Variants in OSCP1 observed in about 807,000 individuals in gnomAD.
OSCP1 encodes organic solute carrier partner 1.
OSCP1 carries 35 observed loss-of-function variants against 45.1 expected under a neutral mutation model. The ratio of observed to expected loss-of-function variants is 0.78; its 90% CI spans 0.59 to 1.03. The LOEUF (loss-of-function observed/expected upper bound fraction) is 1.03, where lower values mean the gene tolerates loss of function less well. Ranked by LOEUF, OSCP1 falls within the 50% of genes least tolerant of loss-of-function variation. The pLI, the probability that OSCP1 is intolerant of heterozygous loss-of-function variation, is 0.00. For missense variants in OSCP1, 400 were observed against 470.7 expected (o/e 0.85, Z 1.39); for synonymous variants, 179 against 180.1 (o/e 0.99, Z 0.05).
chr1:36,434,399 C>A (rs968473194), intron 2 of OSCP1, among the ~76,000 whole-genome samples: 2 of 152,174 alleles, frequency 1.3e-5, no homozygotes, highest in Non-Finnish European at 2.9e-5. Context: ...GACCCTGCTA[C>A]ACAATCCCAT....
chr1:36,427,089 T>C (rs78848901), intron 4 of OSCP1, among the ~76,000 whole-genome samples: 2 of 150,720 alleles, frequency 1.3e-5, no homozygotes, highest in African/African-American at 4.9e-5. Flanking sequence ...CAACCTCTGC[T>C]TCCTGGGTTC....
chr1:36,445,221 A>G (rs530237378), intron 1 of OSCP1, among the ~76,000 whole-genome samples: 1 of 152,294 alleles, frequency 6.6e-6, no homozygotes, highest in East Asian at 1.9e-4. Context: ...GTGGTGGTGC[A>G]CACCTATAGT....
At chr1:36,437,480 A>C (rs1179306347) in intron 2 of OSCP1, among the ~76,000 whole-genome samples, 1 of 152,130 alleles carries the variant, frequency 6.6e-6, no homozygotes, top group African/African-American at 2.4e-5. Flanking sequence ...GCAGAATTAA[A>C]GTTTTGGGGT....
chr1:36,425,187 AAAT>A (rs1339170050), intron 4 of OSCP1, among the ~76,000 whole-genome samples: 3 of 148,584 alleles, frequency 2.0e-5, no homozygotes, highest in Admixed American at 6.8e-5. Context: ...AAAAAAAAAA[AAAT>A]GGAAAGAATA....
At chr1:36,431,213 A>G (rs568023834) in intron 4 of OSCP1, among the ~76,000 whole-genome samples, 1 of 152,244 alleles carries the variant, frequency 6.6e-6, no homozygotes, top group South Asian at 2.1e-4. Flanking sequence ...GCCAGGGTAG[A>G]GTAGAGGTTA....
chr1:36,422,265 C>T (rs763227083), intron 6 of OSCP1, 46 bp from the exon 7 acceptor site: 23 of 1,536,500 alleles, frequency 1.5e-5, no homozygotes, highest in South Asian at 8.9e-5. Flanking sequence ...CCCCTTTCCA[C>T]GGACTTCTCT....
chr1:36,425,330 T>C (rs1276111152), intron 4 of OSCP1, among the ~76,000 whole-genome samples: 1 of 152,196 alleles, frequency 6.6e-6, no homozygotes. Context: ...TTTGGGAAAT[T>C]ACACAACCTT....
At chr1:36,418,960 G>T in intron 9 of OSCP1, 31 bp downstream of exon 9, 3 of 1,510,156 alleles carry the variant, frequency 2.0e-6, no homozygotes, top group Non-Finnish European at 2.7e-6. Flanking sequence ...AAGCGAATAC[G>T]ATTGGACCCT....
At chr1:36,427,599 G>A (rs1369838780) in intron 4 of OSCP1, among the ~76,000 whole-genome samples, 1 of 152,138 alleles carries the variant, frequency 6.6e-6, no homozygotes, top group Non-Finnish European at 1.5e-5. Context: ...TTACAGGCGT[G>A]AGCCACTGCA....
Position 36,436,916 on chromosome 1 carries a change from C to G in OSCP1, c.267+1840G>C, listed in dbSNP as rs1648784858. Among the ~76,000 whole-genome samples the G allele has an allele frequency of 2.0e-5, 3 of 152,216 alleles. No homozygotes were observed. The South Asian group carries it at 6.2e-4, about 32-fold the overall frequency. On this transcript the variant is annotated intron_variant, in intron 2 of 9. Transcript: ENST00000235532. ...CAGGTATTTTGTAAGCATGACCAAC[C>G]AACAGTATTTGTGTGATGTTTTTCT...
chr1:36,433,881 A>T (rs1297848910), intron 2 of OSCP1, among the ~76,000 whole-genome samples: 1 of 152,218 alleles, frequency 6.6e-6, no homozygotes, highest in Non-Finnish European at 1.5e-5. Context: ...GATTGCATGA[A>T]TGAAAGAAAT....
At chr1:36,425,172 C>CA (rs60875318) in intron 4 of OSCP1, among the ~76,000 whole-genome samples, 2,944 of 118,370 alleles carry the variant, frequency 0.025, 58 homozygotes, top group African/African-American at 0.047. Context: ...GACTCTGTCT[C>CA]AAAAAAAAAA....
At chr1:36,418,327 A>C in intron 9 of OSCP1, 72 bp from the exon 10 acceptor site, 1 of 1,407,646 alleles carries the variant, frequency 7.1e-7, no homozygotes, top group Middle Eastern at 1.8e-4. Context: ...TGCACTAGGC[A>C]CTTAGTTTTT....
chr1:36,418,798 G>A (rs1490380667), intron 9 of OSCP1, among the ~76,000 whole-genome samples, 193 bp downstream of exon 9: 1 of 151,932 alleles, frequency 6.6e-6, no homozygotes, highest in Non-Finnish European at 1.5e-5. Context: ...CATATTGGCG[G>A]GCACCTGTAA....
At position 36,420,586 on chromosome 1, in the gene OSCP1, T is replaced by C. The variant is rs1370088552; in HGVS notation, c.849A>G (p.Lys283=). The change falls in exon 8 of 10, where the codon AAA becomes AAG. Residue 283 remains lysine, a synonymous_variant. Transcript: ENST00000235532. ...QESIAPNPLA[K]EELNFLARLM... is the part of the protein sequence containing the mutation. ...GCCTGGCCAAGAAATTCAGCTCTTC[T>C]TTAGCAAGAGGGTTTGGAGCAATGC... 6.2e-7 allele frequency: 1 copy of C among 1,614,190 alleles called. No homozygotes were observed. The highest frequency in any genetic ancestry group is 8.5e-7 in the Non-Finnish European group (1 of 1,180,034).
rs72150069 is a variant in OSCP1 at position 36,442,226 on chromosome 1, C to CAAAAAAAAAAA, written c.113-3327_113-3317dup. 1.3e-4 allele frequency among the ~76,000 whole-genome samples: 15 copies of CAAAAAAAAAAA among 113,878 alleles called. 1 individual carries two copies. The highest frequency in any genetic ancestry group is 1.9e-4 in the Admixed American group (2 of 10,530). 74.7% of individuals were successfully genotyped at this position (113,878 alleles called of 152,430 possible). The stretch of plus-strand genomic sequence containing the variant: ...GGGCAACAAGAGCGAAACTCCGTCT[C>CAAAAAAAAAAA]AAAAAAAAAAAAAAGGAGGCTAAGG... On this transcript the variant is annotated intron_variant, in intron 1 of 9. Coordinates refer to ENST00000235532, the MANE Select transcript of OSCP1 (RefSeq NM_145047.5).
chr1:36,432,359 T>C, intron 3 of OSCP1, 63 bp downstream of exon 3: 1 of 1,560,872 alleles, frequency 6.4e-7, no homozygotes, highest in Non-Finnish European at 8.8e-7. Context: ...ATCTACCTGT[T>C]CTTAACAGAG....
intron 7 of OSCP1, among the ~76,000 whole-genome samples, chr1:36,421,590 C>G (rs926396253): frequency 6.6e-6 from 1 of 152,188 alleles, no homozygotes; most frequent in African/African-American, 2.4e-5. Context: ...CCACAGGCCC[C>G]TTCAAGATGG....
At chr1:36,423,568 G>T (rs915553157) in intron 4 of OSCP1, 102 bp from the exon 5 acceptor site, 1 of 908,316 alleles carries the variant, frequency 1.1e-6, no homozygotes. Context: ...CATGACCTAT[G>T]AGTTTATAAC....
Sources: gnomAD v4.1 joint callset for allele counts (sites outside exome capture counted in the v4.1 genomes callset) on GRCh38, gnomAD v4.1.1 for gene constraint, MANE v1.5 for transcripts, NCBI Gene and HGNC (gene_info 2026-07-23, HGNC 2026-07-21) for gene names.